The following SVOP variants were observed in gnomAD, a reference collection of about 807,000 sequenced individuals.
SVOP encodes SV2 related protein.
Under a neutral mutation model 69.1 loss-of-function variants are expected in SVOP, and 17 were observed. The ratio of observed to expected loss-of-function variants is 0.25; its 90% CI spans 0.17 to 0.37. The LOEUF (loss-of-function observed/expected upper bound fraction) is 0.37, where lower values mean the gene tolerates loss of function less well. Among genes scored for constraint, SVOP ranks in the 10% least tolerant of loss-of-function variants. The probability of loss-of-function intolerance (pLI) is 1.00; values close to 1 mark genes in which losing one functional copy is unlikely to be tolerated. For synonymous variants in SVOP, 238 were observed against 238.6 expected (o/e 1.00, Z 0.02); for missense variants, 435 against 597.5 (o/e 0.73, Z 2.84).
chr12:108,982,096 A>G (rs2040139022), intron 2 of SVOP, among the ~76,000 whole-genome samples: 1 of 151,716 alleles, frequency 6.6e-6, no homozygotes, highest in Non-Finnish European at 1.5e-5. Flanking sequence ...CACTATCATC[A>G]TCATCACCAT....
At chr12:108,997,685 C>G (rs1271794018) in intron 1 of SVOP, among the ~76,000 whole-genome samples, 1 of 151,354 alleles carries the variant, frequency 6.6e-6, no homozygotes, top group East Asian at 1.9e-4. Context: ...TGGGAGGCAC[C>G]CCCCAGCAGG....
chr12:108,923,201 G>A (rs144559294), intron 11 of SVOP, among the ~76,000 whole-genome samples: 2,593 of 151,610 alleles, frequency 0.017, 33 homozygotes, highest in Non-Finnish European at 0.029. Context: ...TGGGGCCTGT[G>A]ACTTGCTTCT....
At position 108,940,855 on chromosome 12, in the gene SVOP, G is replaced by A. The variant is rs1319664832; in HGVS notation, c.697C>T (p.Pro233Ser). Residue 233 changes from proline (P) to serine (S), a missense_variant, in exon 8 of 16, where the codon CCC (proline) becomes TCC (serine). By Grantham distance (74) the Pro-to-Ser change is moderately conservative. Coordinates refer to ENST00000610966, the MANE Select transcript of SVOP (RefSeq NM_018711.5). ...FEVVLAVFVM[P>S]SLGWRWLLIL... is the part of the protein sequence containing the mutation. ...AGCAGCCAACGCCAGCCCAGGCTGG[G>A]CATCACGAACACAGCCAGGACGACC... The A allele has an allele frequency of 6.5e-7, 1 of 1,537,164 alleles. No homozygotes were observed. The highest frequency in any genetic ancestry group is 8.7e-7 in the Non-Finnish European group (1 of 1,146,874).
rs1686097943 is a variant in SVOP at position 108,910,848 on chromosome 12, G to A, written c.*1687C>T. 3 of 152,220 alleles carry A rather than the reference G, an allele frequency of 2.0e-5. No individual in the cohort carries two copies. The South Asian group carries it at 6.2e-4, about 32-fold the overall frequency. 9.4% of individuals were successfully genotyped at this position (152,220 alleles called of 1,614,324 possible). A position where few individuals can be genotyped will look rare whatever the true frequency, so the allele number is the denominator to read the frequency against. On this transcript the variant is annotated 3_prime_UTR_variant, in exon 16 of 16. Transcript: ENST00000610966. ...AGACCGTTAGGCTGGACTGTCACTA[G>A]GACATGATGACAATGAATAAACTTA...
chr12:109,014,153 T>C (rs909507941), intron 1 of SVOP, among the ~76,000 whole-genome samples: 3 of 151,794 alleles, frequency 2.0e-5, no homozygotes, highest in African/African-American at 7.3e-5. Flanking sequence ...GTAGCTGGGA[T>C]TACAGGTGCA....
chr12:108,944,392 G>C (rs1269038763), intron 7 of SVOP, among the ~76,000 whole-genome samples: 1 of 152,198 alleles, frequency 6.6e-6, no homozygotes, highest in Non-Finnish European at 1.5e-5. Context: ...GTAAGAAGCA[G>C]ATGTAGTCAG....
intron 1 of SVOP, among the ~76,000 whole-genome samples, chr12:108,985,107 G>T (rs1443523662): frequency 2.6e-5 from 4 of 151,856 alleles, no homozygotes; most frequent in Non-Finnish European, 5.9e-5. Flanking sequence ...TGTGACTTTG[G>T]TCCCAGCTAC....
chr12:108,928,029 C>T (rs1004017092), intron 11 of SVOP, among the ~76,000 whole-genome samples: 18 of 152,120 alleles, frequency 1.2e-4, no homozygotes, highest in African/African-American at 2.9e-4. Context: ...ACTTGGCCTC[C>T]CGAGTAGCTG....
intron 11 of SVOP, among the ~76,000 whole-genome samples, chr12:108,923,556 T>C (rs1232877377): frequency 6.6e-6 from 1 of 152,052 alleles, no homozygotes. Context: ...GATTGCAGCC[T>C]GGCAAAGGAC....
Position 108,919,322 on chromosome 12 carries a change from C to T in SVOP, c.1268+353G>A, listed in dbSNP as rs534584314. 4.6e-5 allele frequency among the ~76,000 whole-genome samples: 6 copies of T among 130,640 alleles called. No individual in the cohort carries two copies. The South Asian group carries it at 6.6e-4, about 14-fold the overall frequency. 85.7% of individuals were successfully genotyped at this position (130,640 alleles called of 152,430 possible). A position where few individuals can be genotyped will look rare whatever the true frequency, so the allele number is the denominator to read the frequency against. On this transcript the variant is annotated intron_variant, in intron 13 of 15. Coordinates refer to ENST00000610966, the MANE Select transcript of SVOP (RefSeq NM_018711.5). Reference sequence around the variant, plus strand: ...GGGCCAATACCCACACCTGGGCCTGCACCCACACCTGGGCCTGCACCTATA... The same window carrying T: ...GGGCCAATACCCACACCTGGGCCTGTACCCACACCTGGGCCTGCACCTATA...
At chr12:108,919,838 C>T (rs553332548) in intron 12 of SVOP, 52 bp from the exon 13 acceptor site, 2 of 1,251,242 alleles carry the variant, frequency 1.6e-6, no homozygotes, top group African/African-American at 1.5e-5. Context: ...TTCCCAATGC[C>T]CTCCATCCTC....
At chr12:108,982,370 A>G (rs1161801815) in intron 2 of SVOP, among the ~76,000 whole-genome samples, 1 of 150,392 alleles carries the variant, frequency 6.6e-6, no homozygotes, top group Non-Finnish European at 1.5e-5. Flanking sequence ...TATCATCACC[A>G]CTGCCATCCT....
intron 1 of SVOP, among the ~76,000 whole-genome samples, chr12:108,997,623 C>A (rs1253018034): frequency 6.6e-6 from 1 of 151,492 alleles, no homozygotes; most frequent in Non-Finnish European, 1.5e-5. Flanking sequence ...TGAGAACGGG[C>A]AGACTGCCTC....
rs1266813997 is a variant in SVOP, at chr12:108,912,185, T to G, written c.*350A>C. The G allele has an allele frequency of 2.6e-6, 3 of 1,150,140 alleles. No individual in the cohort carries two copies. Among genetic ancestry groups the G allele is most frequent in the African/African-American group, 1.6e-5 (1 of 62,902 alleles). 71.2% of individuals were successfully genotyped at this position (1,150,140 alleles called of 1,614,324 possible). On this transcript the variant is annotated 3_prime_UTR_variant, in exon 16 of 16. Transcript: ENST00000610966. ...AGCCTGGACGGTATCTACAGAGAGA[T>G]ATTTTGGTTGTTCACTGAGGGTTTG... is the stretch of plus-strand genomic sequence containing the variant.
chr12:108,967,724 G>A (rs913445271), intron 5 of SVOP, among the ~76,000 whole-genome samples: 1 of 152,144 alleles, frequency 6.6e-6, no homozygotes, highest in Non-Finnish European at 1.5e-5. Flanking sequence ...CTATGAAGCA[G>A]AATCCTTGGC....
intron 5 of SVOP, among the ~76,000 whole-genome samples, chr12:108,970,528 C>T (rs2137429336): frequency 6.6e-6 from 1 of 152,356 alleles, no homozygotes; most frequent in African/African-American, 2.4e-5. Flanking sequence ...ATCCAGATCT[C>T]ACTTCTTCCT....
At chr12:108,937,235 G>C in intron 10 of SVOP, 29 bp downstream of exon 10, 1 of 1,611,474 alleles carries the variant, frequency 6.2e-7, no homozygotes, top group Non-Finnish European at 8.5e-7. Context: ...AGTGGAAAGG[G>C]GTCAAAGTGG....
intron 11 of SVOP, among the ~76,000 whole-genome samples, chr12:108,930,556 T>C (rs1186760631): frequency 6.6e-6 from 1 of 151,888 alleles, no homozygotes; most frequent in Non-Finnish European, 1.5e-5. Context: ...TGCCTCAGCT[T>C]CCTGAGTAGC....
intron 1 of SVOP, among the ~76,000 whole-genome samples, chr12:108,994,857 C>T (rs2040222472): frequency 6.6e-6 from 1 of 152,146 alleles, no homozygotes; most frequent in Admixed American, 6.6e-5. Flanking sequence ...GTTTTTACAG[C>T]CATGCAGGGT....
Sources: gnomAD v4.1 joint callset for allele counts (sites outside exome capture counted in the v4.1 genomes callset) on GRCh38, gnomAD v4.1.1 for gene constraint, MANE v1.5 for transcripts, NCBI Gene and HGNC (gene_info 2026-07-23, HGNC 2026-07-21) for gene names.